PDZRN4: variants seen among roughly 807,000 people sequenced by gnomAD.
PDZRN4 encodes PDZ domain containing ring finger 4.
In PDZRN4, 70 loss-of-function variants were observed where a neutral mutation model predicts 99.0. The observed-to-expected ratio is 0.71, with a 90% CI of 0.58 to 0.86. PDZRN4 has a LOEUF of 0.86. Among genes scored for constraint, PDZRN4 ranks in the 40% least tolerant of loss-of-function variants. PDZRN4 has a pLI of 0.00. For synonymous variants in PDZRN4, 551 were observed against 501.6 expected, an observed-to-expected ratio of 1.10 and a Z score of -1.32; for missense variants, 1,474 against 1,331.2, an observed-to-expected ratio of 1.11 and a Z score of -1.67.
intron 3 of PDZRN4, among the ~76,000 whole-genome samples, chr12:41,284,588 C>T (rs531506322): frequency 2.6e-5 from 4 of 152,236 alleles, no homozygotes; most frequent in South Asian, 4.1e-4. Flanking sequence ...GGAGGCATCA[C>T]GCAACCTGAC....
At chr12:41,292,734 T>G (rs2120912401) in intron 3 of PDZRN4, among the ~76,000 whole-genome samples, 1 of 152,286 alleles carries the variant, frequency 6.6e-6, no homozygotes. Context: ...GTCTTCATTC[T>G]CTAAGGAATT....
intron 3 of PDZRN4, among the ~76,000 whole-genome samples, chr12:41,292,908 A>G (rs558391407): frequency 3.1e-4 from 47 of 151,922 alleles, no homozygotes; most frequent in African/African-American, 1.1e-3. Context: ...GAAAAGACCA[A>G]TGTGAATGTT....
At chr12:41,358,749 G>T (rs1306805278) in intron 3 of PDZRN4, among the ~76,000 whole-genome samples, 1 of 151,954 alleles carries the variant, frequency 6.6e-6, no homozygotes, top group African/African-American at 2.4e-5. Context: ...AGCCATGGAT[G>T]ACTTTATTTT....
intron 3 of PDZRN4, among the ~76,000 whole-genome samples, chr12:41,227,890 C>CACACACACAT (rs1951004808): frequency 6.6e-6 from 1 of 150,576 alleles, no homozygotes; most frequent in African/African-American, 2.5e-5. Flanking sequence ...CACACACACA[C>CACACACACAT]ACACACACAC....
chr12:41,258,845 A>G (rs931436062), intron 3 of PDZRN4, among the ~76,000 whole-genome samples: 1 of 152,154 alleles, frequency 6.6e-6, no homozygotes, highest in African/African-American at 2.4e-5. Flanking sequence ...GAAAAAGGGA[A>G]TGATGGAGGT....
Position 41,552,709 on chromosome 12 carries a change from T to C in PDZRN4, c.1257T>C (p.Cys419=). 6.2e-7 allele frequency: 1 copy of C among 1,613,786 alleles called. No homozygotes were observed. Among genetic ancestry groups the C allele is most frequent in the Non-Finnish European group, 8.5e-7 (1 of 1,179,788 alleles). Residue 419 remains cysteine, a synonymous_variant, in exon 6 of 10, where the codon TGT becomes TGC. Transcript: ENST00000402685. Reference sequence around the variant, plus strand: ...AAGAGAAGCTGGGCCTGACAGTCTGTTACCGAACAGATGATGAAGAAGACA... The same window carrying C: ...AAGAGAAGCTGGGCCTGACAGTCTGCTACCGAACAGATGATGAAGAAGACA... ...SSQEKLGLTV[C]YRTDDEEDTG... is the part of the protein sequence containing the mutation.
chr12:41,283,816 A>G (rs1248997547), intron 3 of PDZRN4, among the ~76,000 whole-genome samples: 2 of 152,354 alleles, frequency 1.3e-5, no homozygotes, highest in Admixed American at 6.5e-5. Flanking sequence ...ACATGGCTTC[A>G]TGCTAAAAAC....
intron 3 of PDZRN4, among the ~76,000 whole-genome samples, chr12:41,436,275 A>C (rs1438279208): frequency 6.6e-6 from 1 of 152,182 alleles, no homozygotes; most frequent in African/African-American, 2.4e-5. Flanking sequence ...GGATTATTAC[A>C]TCCCAAGGGA....
intron 5 of PDZRN4, among the ~76,000 whole-genome samples, chr12:41,534,214 CT>C (rs995916277): frequency 1.6e-4 from 25 of 152,040 alleles, no homozygotes; most frequent in Admixed American, 9.8e-4. Context: ...ATTTTCTTTG[CT>C]TTTCGTTCCT....
intron 3 of PDZRN4, among the ~76,000 whole-genome samples, chr12:41,250,799 A>G (rs576837956): frequency 3.3e-5 from 5 of 152,346 alleles, no homozygotes; most frequent in African/African-American, 1.2e-4. Flanking sequence ...TTTTTCTGCT[A>G]AAGTTGTGGC....
At chr12:41,230,919 C>T (rs900734281) in intron 3 of PDZRN4, among the ~76,000 whole-genome samples, 1 of 152,006 alleles carries the variant, frequency 6.6e-6, no homozygotes, top group Non-Finnish European at 1.5e-5. Flanking sequence ...CAGTCACATT[C>T]AAAAATAACA....
chr12:41,467,763 T>G (rs1464843457), intron 3 of PDZRN4, among the ~76,000 whole-genome samples: 2 of 152,228 alleles, frequency 1.3e-5, no homozygotes, highest in Non-Finnish European at 2.9e-5. Flanking sequence ...CAACTCATAA[T>G]GCAGAAAGCC....
rs1273719393 is a variant in PDZRN4, at chr12:41,448,794, G to A, written c.844-57662G>A. Among the ~76,000 whole-genome samples the A allele has an allele frequency of 2.6e-5, 4 of 152,178 alleles. No individual in the cohort carries two copies. In the South Asian group the frequency reaches 6.2e-4, roughly 24 times the overall value. On this transcript the variant is annotated intron_variant, in intron 3 of 9. Coordinates refer to ENST00000402685, the MANE Select transcript of PDZRN4 (RefSeq NM_001164595.2). ...ATCATCAAATTTAAGAACAGCTGGG[G>A]GAGCGGGATTGACAAACATATTTTA... is the stretch of plus-strand genomic sequence containing the variant.
At chr12:41,338,719 C>A (rs909462440) in intron 3 of PDZRN4, among the ~76,000 whole-genome samples, 5 of 151,800 alleles carry the variant, frequency 3.3e-5, no homozygotes, top group African/African-American at 1.2e-4. Flanking sequence ...TTTATAAATT[C>A]TTAAGACACA....
At chr12:41,454,591 G>A (rs935723713) in intron 3 of PDZRN4, among the ~76,000 whole-genome samples, 1 of 152,220 alleles carries the variant, frequency 6.6e-6, no homozygotes. Flanking sequence ...CCTTGAGGGA[G>A]ACAGGAAAGT....
chr12:41,501,347 C>T (rs1487245027), intron 3 of PDZRN4, among the ~76,000 whole-genome samples: 1 of 152,036 alleles, frequency 6.6e-6, no homozygotes, highest in Non-Finnish European at 1.5e-5. Context: ...TTTCTGATAT[C>T]CAAGAAAATT....
chr12:41,221,256 G>A (rs1212379406), intron 3 of PDZRN4, among the ~76,000 whole-genome samples: 2 of 152,168 alleles, frequency 1.3e-5, no homozygotes, highest in Admixed American at 1.3e-4. Flanking sequence ...TTAAGTCCCT[G>A]AGATTTGAGG....
At chr12:41,514,384 C>T (rs1379683201) in intron 5 of PDZRN4, among the ~76,000 whole-genome samples, 2 of 151,804 alleles carry the variant, frequency 1.3e-5, no homozygotes, top group African/African-American at 2.4e-5. Flanking sequence ...CTCTCTCTTA[C>T]ATAAAGAAAA....
At chr12:41,401,758 AGTCCAAATTCCGTAGAAT>A (rs149485741) in intron 3 of PDZRN4, among the ~76,000 whole-genome samples, 5,830 of 152,066 alleles carry the variant, frequency 0.038, 153 homozygotes, top group East Asian at 0.089. Context: ...TGCAAGATGA[AGTCCAAATTCCGTAGAAT>A]GTCACAAAAA....
Sources: gnomAD v4.1 joint callset for allele counts (sites outside exome capture counted in the v4.1 genomes callset) on GRCh38, gnomAD v4.1.1 for gene constraint, MANE v1.5 for transcripts, NCBI Gene and HGNC (gene_info 2026-07-23, HGNC 2026-07-21) for gene names.